Variants in AP3B1 observed in about 807,000 individuals in gnomAD.
AP3B1 encodes the protein adaptor related protein complex 3 subunit beta 1, also known as AP-3 complex subunit beta-1.
A neutral mutation model predicts 132.5 loss-of-function variants in AP3B1; 61 were observed. The observed-to-expected ratio is 0.46, with a 90% confidence interval of 0.37 to 0.57. The LOEUF (loss-of-function observed/expected upper bound fraction) is 0.57. Ranked by LOEUF, AP3B1 falls within the 20% of genes least tolerant of loss-of-function variation. The pLI is 0.00. For missense variants in AP3B1, 1,120 were observed against 1,289.4 expected (o/e 0.87, Z 2.01); for synonymous variants, 388 against 438.3 (o/e 0.89, Z 1.43).
At chr5:78,200,745 C>G (rs1007252907) in intron 7 of AP3B1, among the ~76,000 whole-genome samples, 1 of 151,956 alleles carries the variant, frequency 6.6e-6, no homozygotes, top group African/African-American at 2.4e-5. Context: ...ACAGAATGGC[C>G]AAAATGAATA....
intron 17 of AP3B1, among the ~76,000 whole-genome samples, chr5:78,125,995 G>A (rs997432177): frequency 6.6e-6 from 1 of 151,794 alleles, no homozygotes; most frequent in Admixed American, 6.6e-5. Context: ...CTTTTTGGTG[G>A]GTGGGGGCAG....
At position 78,180,065 on chromosome 5, in the gene AP3B1, T is replaced by A. The variant is rs957741425; in HGVS notation, c.942+1442A>T. Among the ~76,000 whole-genome samples the A allele has an allele frequency of 5.3e-5, 8 of 152,250 alleles. No individual in the cohort carries two copies. The South Asian group carries it at 6.2e-4, about 12-fold the overall frequency. On this transcript the variant is annotated intron_variant, in intron 8 of 26. Coordinates refer to ENST00000255194, the MANE Select transcript of AP3B1 (RefSeq NM_003664.5). ...GTCACTCATAAAGTACAGCTTAAGA[T>A]GGCAAATTACAGCTACCTAACTAGC... is the stretch of plus-strand genomic sequence containing the variant.
chr5:78,092,785 T>C (rs186089512), intron 21 of AP3B1, among the ~76,000 whole-genome samples: 15 of 151,882 alleles, frequency 9.9e-5, no homozygotes, highest in Middle Eastern at 3.4e-3. Context: ...GTAGCTAGTA[T>C]TACAGGTGTA....
At chr5:78,067,803 A>G (rs1047275128) in intron 22 of AP3B1, among the ~76,000 whole-genome samples, 2 of 152,182 alleles carry the variant, frequency 1.3e-5, no homozygotes, top group African/African-American at 4.8e-5. Context: ...GCCCACATCA[A>G]AAAGCTAGAA....
chr5:78,237,434 C>T (rs1350628780), intron 3 of AP3B1, among the ~76,000 whole-genome samples: 2 of 152,114 alleles, frequency 1.3e-5, no homozygotes, highest in African/African-American at 4.8e-5. Flanking sequence ...GTGAAGGCTA[C>T]AGTGTGTTGT....
chr5:78,093,438 A>T (rs1750621383), intron 21 of AP3B1, among the ~76,000 whole-genome samples: 1 of 152,252 alleles, frequency 6.6e-6, no homozygotes, highest in Admixed American at 6.5e-5. Flanking sequence ...GGGGATTTGC[A>T]TATGAAGAGA....
chr5:78,202,672 C>G (rs62362923), intron 7 of AP3B1, among the ~76,000 whole-genome samples: 1 of 151,190 alleles, frequency 6.6e-6, no homozygotes, highest in African/African-American at 2.4e-5. Flanking sequence ...TAAAACAATA[C>G]TTGCATCTGA....
chr5:78,092,870 G>C (rs1405810565), intron 21 of AP3B1, among the ~76,000 whole-genome samples: 1 of 151,922 alleles, frequency 6.6e-6, no homozygotes, highest in Non-Finnish European at 1.5e-5. Flanking sequence ...GGCTGGTCTC[G>C]AACTCCCAAC....
chr5:78,248,808 A>G (rs1345137585), intron 2 of AP3B1, among the ~76,000 whole-genome samples: 1 of 152,188 alleles, frequency 6.6e-6, no homozygotes, highest in African/African-American at 2.4e-5. Context: ...GATATTTTCA[A>G]TGGATATAGA....
rs764209395 is a variant in AP3B1, at chr5:78,227,464, T to A, written c.444A>T (p.Val148=). 1 of 1,613,792 alleles carries A rather than the reference T, an allele frequency of 6.2e-7. No individual in the cohort carries two copies. The highest frequency in any genetic ancestry group is 1.7e-5 in the Admixed American group (1 of 60,026). The part of the protein sequence containing the change: ...VLSSIRVPII[V]PIMMLAIKEA... ...CCTTAATAGCAAGCATCATGATAGG[T>A]ACAATAATTGGCACTCTAATACTTG... The change falls in exon 5 of 27, where the codon GTA becomes GTT. Residue 148 remains valine, a synonymous_variant. Transcript: ENST00000255194.
At chr5:78,020,620 T>G (rs1463794345) in intron 25 of AP3B1, 72 bp downstream of exon 25, 11 of 1,238,096 alleles carry the variant, frequency 8.9e-6, no homozygotes, top group Non-Finnish European at 1.3e-5. Context: ...AAAATTTATT[T>G]TAGAGACTGT....
Position 78,105,182 on chromosome 5 carries a change from T to G in AP3B1, c.2398-4157A>C, listed in dbSNP as rs565869295. On this transcript the variant is annotated intron_variant, in intron 20 of 26. Transcript: ENST00000255194. Reference sequence around the variant, plus strand: ...TTTAAAGTTTTTATCATTTTAATCATAGAGTATCTAAATCTTCAGCCATTA... The same window carrying G: ...TTTAAAGTTTTTATCATTTTAATCAGAGAGTATCTAAATCTTCAGCCATTA... 2.6e-5 allele frequency among the ~76,000 whole-genome samples: 4 copies of G among 152,184 alleles called. No homozygotes were observed. The East Asian group carries it at 7.7e-4, about 29-fold the overall frequency.
intron 8 of AP3B1, 98 bp downstream of exon 8, chr5:78,181,409 T>C: frequency 8.9e-7 from 1 of 1,126,806 alleles, no homozygotes; most frequent in South Asian, 1.3e-5. Context: ...AAACAAATGC[T>C]CCATTAGCAC....
intron 24 of AP3B1, among the ~76,000 whole-genome samples, chr5:78,028,105 AC>A (rs1747413006): frequency 1.3e-5 from 2 of 152,134 alleles, no homozygotes; most frequent in Non-Finnish European, 2.9e-5. Context: ...CAGCCTGGCG[AC>A]AGAGTAAGAC....
chr5:78,264,491 G>C (rs1748236107), intron 2 of AP3B1, among the ~76,000 whole-genome samples: 1 of 152,146 alleles, frequency 6.6e-6, no homozygotes, highest in Non-Finnish European at 1.5e-5. Context: ...GAGCAAAGCT[G>C]ATAGAAAACC....
intron 17 of AP3B1, among the ~76,000 whole-genome samples, chr5:78,116,537 G>A (rs1751836664): frequency 6.6e-6 from 1 of 151,752 alleles, no homozygotes; most frequent in African/African-American, 2.4e-5. Flanking sequence ...CCTAAAATAG[G>A]TGAGCGAAAC....
chr5:78,283,805 C>T (rs1375021403), intron 1 of AP3B1, among the ~76,000 whole-genome samples: 1 of 151,644 alleles, frequency 6.6e-6, no homozygotes, highest in African/African-American at 2.4e-5. Flanking sequence ...AATCCAAAAA[C>T]ACTGGTGTAG....
intron 19 of AP3B1, among the ~76,000 whole-genome samples, chr5:78,112,607 C>T (rs1000612791): frequency 2.0e-5 from 3 of 152,164 alleles, no homozygotes; most frequent in South Asian, 4.1e-4. Context: ...CATAGACATG[C>T]TGATATTAAA....
chr5:78,010,701 C>A (rs1368556427), intron 26 of AP3B1, among the ~76,000 whole-genome samples: 1 of 152,160 alleles, frequency 6.6e-6, no homozygotes, highest in Non-Finnish European at 1.5e-5. Context: ...GCTAACGCCT[C>A]TAATCTCCTA....
Sources: allele counts gnomAD v4.1 joint callset (sites outside exome capture counted in the v4.1 genomes callset), GRCh38; gene constraint gnomAD v4.1.1; transcripts MANE v1.5; gene names NCBI Gene and HGNC (gene_info 2026-07-23, HGNC 2026-07-21).